The following CPB1 variants were observed in gnomAD, a reference collection of about 807,000 sequenced individuals.
CPB1 encodes the protein carboxypeptidase B.
A neutral mutation model predicts 51.4 loss-of-function variants in CPB1; 53 were observed. The observed-to-expected ratio is 1.03, with a 90% CI of 0.83 to 1.30. The LOEUF (loss-of-function observed/expected upper bound fraction) is 1.30, where lower values mean the gene tolerates loss of function less well. Among genes scored for constraint, CPB1 ranks in the 50% most tolerant of loss-of-function variants. The probability of loss-of-function intolerance (pLI) is 0.00; values close to 1 mark genes in which losing one functional copy is unlikely to be tolerated. For missense variants in CPB1, 494 were observed against 516.2 expected, an observed-to-expected ratio of 0.96 and a Z score of 0.42; for synonymous variants, 189 against 186.9, an observed-to-expected ratio of 1.01 and a Z score of -0.09.
At chr3:148,857,640 CT>C in intron 10 of CPB1, 99 bp downstream of exon 10, 1 of 708,628 alleles carries the variant, frequency 1.4e-6, no homozygotes. Flanking sequence ...AAGCATGTGG[CT>C]TTTGCCTCAC....
At chr3:148,836,417 A>G (rs942245346) in intron 3 of CPB1, among the ~76,000 whole-genome samples, 8 of 152,252 alleles carry the variant, frequency 5.3e-5, no homozygotes, top group African/African-American at 1.9e-4. Flanking sequence ...GCATTCAAAA[A>G]GATGAGTTTC....
chr3:148,842,051 T>G, intron 6 of CPB1, 127 bp downstream of exon 6: 1 of 721,792 alleles, frequency 1.4e-6, no homozygotes, highest in East Asian at 2.7e-5. Flanking sequence ...ATTTTGGAAA[T>G]TAGTTTCAAC....
chr3:148,846,153 A>G (rs1228148503), intron 9 of CPB1, among the ~76,000 whole-genome samples: 1 of 152,146 alleles, frequency 6.6e-6, no homozygotes, highest in Non-Finnish European at 1.5e-5. Flanking sequence ...ATCAATGAAC[A>G]AATAATGTGA....
rs1263242327 is a variant in CPB1 at position 148,859,844 on chromosome 3, G to C, written c.1096G>C (p.Ala366Pro). The change falls in exon 11 of 11, where the codon GCT becomes CCT. Residue 366 changes from alanine (A) to proline (P), a missense_variant. Physicochemically the swap from Ala to Pro is conservative, Grantham distance 27 (BLOSUM62 -1). Transcript: ENST00000282957. ...TGCTGCTGGGGGCTCTGACGACTGG[G>C]CTTATGACCAAGGAATCAGATATTC... ...YPAAGGSDDW[A>P]YDQGIRYSFT... The C allele has an allele frequency of 3.2e-5, 52 of 1,613,790 alleles. No individual in the cohort carries two copies. Among genetic ancestry groups the C allele is most frequent in the Non-Finnish European group, 4.3e-5 (51 of 1,179,890 alleles).
intron 8 of CPB1, 72 bp from the exon 9 acceptor site, chr3:148,845,352 T>C (rs1713204571): frequency 2.1e-6 from 3 of 1,404,570 alleles, no homozygotes; most frequent in South Asian, 1.2e-5. Flanking sequence ...ACTCCCTAAT[T>C]TGAAAGTTTA....
chr3:148,839,171 T>C (rs1712999927), intron 3 of CPB1, among the ~76,000 whole-genome samples: 1 of 152,190 alleles, frequency 6.6e-6, no homozygotes, highest in Non-Finnish European at 1.5e-5. Flanking sequence ...AGTGATTGGA[T>C]GTGAGGACTT....
At position 148,840,778 on chromosome 3, in the gene CPB1, G is replaced by A. The variant is rs1056042784; in HGVS notation, c.365G>A (p.Trp122Ter). 2.5e-6 allele frequency: 4 copies of A among 1,613,982 alleles called. No homozygotes were observed. The African/African-American group carries it at 5.3e-5, about 22-fold the overall frequency. Residue 122 changes from tryptophan (W) to a stop codon, truncating the protein, a stop_gained, in exon 4 of 11, where the codon TGG becomes TAG. Coordinates refer to ENST00000282957, the MANE Select transcript of CPB1 (RefSeq NM_001871.3). LOFTEE classifies it high-confidence loss of function. ...TGHSYEKYNKWETIEAWTQQV... is the reference protein window; with the variant it reads ...TGHSYEKYNK ...CACAGTTATGAGAAGTACAACAAGT[G>A]GGAAACGGTATGATGTGCACATGAT...
At chr3:148,847,396 A>T (rs1368811747) in intron 9 of CPB1, among the ~76,000 whole-genome samples, 1 of 128,794 alleles carries the variant, frequency 7.8e-6, no homozygotes. Context: ...AAAAAAAAAA[A>T]GACAAGTAAG....
chr3:148,848,862 T>C (rs990236563), intron 9 of CPB1, among the ~76,000 whole-genome samples: 2 of 152,172 alleles, frequency 1.3e-5, no homozygotes, highest in African/African-American at 4.8e-5. Flanking sequence ...CAGTAGAAAG[T>C]AGATGGAATA....
intron 3 of CPB1, 82 bp from the exon 4 acceptor site, chr3:148,840,604 C>A: frequency 8.7e-7 from 1 of 1,143,114 alleles, no homozygotes; most frequent in Non-Finnish European, 1.3e-6. Context: ...TCTACTAAAG[C>A]AGTGGCTCTG....
At chr3:148,846,592 A>G (rs2108017434) in intron 9 of CPB1, among the ~76,000 whole-genome samples, 1 of 151,372 alleles carries the variant, frequency 6.6e-6, no homozygotes, top group East Asian at 1.9e-4. Flanking sequence ...TAAAATATGT[A>G]ATGCCGTAAA....
intron 2 of CPB1, among the ~76,000 whole-genome samples, chr3:148,832,220 C>T (rs760434976): frequency 3.3e-5 from 5 of 152,100 alleles, no homozygotes; most frequent in Non-Finnish European, 7.4e-5. Flanking sequence ...TATATAGACT[C>T]TTCTAATATT....
intron 8 of CPB1, 61 bp downstream of exon 8, chr3:148,844,828 A>G: frequency 7.0e-7 from 1 of 1,429,178 alleles, no homozygotes; most frequent in Non-Finnish European, 9.8e-7. Flanking sequence ...GAAAAATATG[A>G]AAACACAACA....
intron 2 of CPB1, among the ~76,000 whole-genome samples, chr3:148,832,346 A>G (rs149727155): frequency 3.9e-5 from 6 of 152,284 alleles, no homozygotes; most frequent in African/African-American, 1.4e-4. Flanking sequence ...GTGGCACTAG[A>G]TATACACAAG....
At chr3:148,850,545 G>T (rs533916629) in intron 9 of CPB1, among the ~76,000 whole-genome samples, 100 of 152,082 alleles carry the variant, frequency 6.6e-4, no homozygotes, top group Non-Finnish European at 1.3e-3. Flanking sequence ...CTTGTGATCC[G>T]CCTGCCTCAG....
chr3:148,854,047 G>A (rs1057406753), intron 9 of CPB1: 10 of 152,264 alleles, frequency 6.6e-5, no homozygotes, highest in South Asian at 2.1e-4. Context: ...CTGCTGTGTC[G>A]TTGCTTCTTG....
At chr3:148,855,125 T>C (rs148581960) in intron 9 of CPB1, 1 of 152,244 alleles carries the variant, frequency 6.6e-6, no homozygotes, top group Non-Finnish European at 1.5e-5. Context: ...CAACAACTGT[T>C]TTTGCCAAAA....
intron 3 of CPB1, among the ~76,000 whole-genome samples, chr3:148,839,939 T>TAC (rs112650920): frequency 0.024 from 3,333 of 140,580 alleles, 50 homozygotes; most frequent in Middle Eastern, 0.052. Context: ...CACACACACA[T>TAC]ACACACACAC....
chr3:148,852,404 A>G (rs528002673), intron 9 of CPB1, among the ~76,000 whole-genome samples: 57 of 152,278 alleles, frequency 3.7e-4, no homozygotes, highest in African/African-American at 8.4e-4. Context: ...TAAACATCCT[A>G]CAATGCACAG....
Sources: gnomAD v4.1 joint callset for allele counts (sites outside exome capture counted in the v4.1 genomes callset) on GRCh38, gnomAD v4.1.1 for gene constraint, MANE v1.5 for transcripts, NCBI Gene and HGNC (gene_info 2026-07-23, HGNC 2026-07-21) for gene names.